PLAA: variants seen among roughly 807,000 people sequenced by gnomAD.
PLAA encodes the protein phospholipase A-2-activating protein.
Under a neutral mutation model 84.1 loss-of-function variants are expected in PLAA, and 48 were observed. The ratio of observed to expected loss-of-function variants is 0.57; its 90% CI spans 0.45 to 0.73. The LOEUF is 0.73. Among genes scored for constraint, PLAA ranks in the 30% least tolerant of loss-of-function variants. PLAA has a pLI of 0.00. For synonymous variants in PLAA, 392 were observed against 336.6 expected (o/e 1.16, Z -1.80); for missense variants, 903 against 954.7 (o/e 0.95, Z 0.71).
At position 26,910,499 on chromosome 9, in the gene PLAA, T is replaced by C. The variant is rs1485648003; in HGVS notation, c.1556-60A>G. ...GGAGTGATCAAAAATGAGATTTTTC[T>C]AACTATATGACTTAGTTTTCACAAT... On this transcript the variant is annotated intron_variant, in intron 11 of 13. Coordinates refer to ENST00000397292, the MANE Select transcript of PLAA (RefSeq NM_001031689.3). The C allele has an allele frequency of 2.3e-6, 3 of 1,292,554 alleles. No homozygotes were observed. In the African/African-American group the frequency reaches 4.4e-5, roughly 19 times the overall value. 80.1% of individuals were successfully genotyped at this position (1,292,554 alleles called of 1,614,324 possible). A position where few individuals can be genotyped will look rare whatever the true frequency, so the allele number is the denominator to read the frequency against.
intron 8 of PLAA, among the ~76,000 whole-genome samples, chr9:26,919,845 C>T (rs1379577722): frequency 6.6e-6 from 1 of 152,156 alleles, no homozygotes; most frequent in African/African-American, 2.4e-5. Context: ...TTACTGTGCC[C>T]TACTCACCAA....
Position 26,928,973 on chromosome 9 carries a change from G to A in PLAA, c.344-565C>T, listed in dbSNP as rs536994635. ...TGCACTTTGGGAGGCCAAGGCAGGCGGATTGCTTGAGCTCAGGAGTTAGAG... is the reference window on the plus strand; with the variant it reads ...TGCACTTTGGGAGGCCAAGGCAGGCAGATTGCTTGAGCTCAGGAGTTAGAG... On this transcript the variant is annotated intron_variant, in intron 2 of 13. Coordinates refer to ENST00000397292, the MANE Select transcript of PLAA (RefSeq NM_001031689.3). Among the ~76,000 whole-genome samples, 227 of 152,308 alleles carry A rather than the reference G, an allele frequency of 1.5e-3. 2 individuals are homozygous for A. The highest frequency in any genetic ancestry group is 4.3e-3 in the South Asian group (21 of 4,832).
chr9:26,925,813 G>A lies in PLAA; in HGVS notation c.869+12C>T. The stretch of plus-strand genomic sequence containing the variant: ...ACATATAACATTTAATGATTGACTA[G>A]AATATAAATACCTCGCACCAACCAC... On this transcript the variant is annotated intron_variant, in intron 6 of 13. Coordinates refer to ENST00000397292, the MANE Select transcript of PLAA (RefSeq NM_001031689.3). 6.2e-7 allele frequency: 1 copy of A among 1,612,378 alleles called. No homozygotes were observed. The highest frequency in any genetic ancestry group is 8.5e-7 in the Non-Finnish European group (1 of 1,178,738).
chr9:26,935,329 G>T, intron 1 of PLAA, 123 bp from the exon 2 acceptor site: 1 of 510,794 alleles, frequency 2.0e-6, no homozygotes, highest in African/African-American at 2.0e-5. Context: ...ACTATCTTAA[G>T]AATCTATTGT....
intron 1 of PLAA, among the ~76,000 whole-genome samples, chr9:26,946,689 C>CT (rs985954187): frequency 1.2e-4 from 18 of 152,224 alleles, no homozygotes. Flanking sequence ...CAAGGCAGGT[C>CT]TTTGGTCCCC....
At chr9:26,942,505 TA>T (rs746535833) in intron 1 of PLAA, among the ~76,000 whole-genome samples, 2 of 152,126 alleles carry the variant, frequency 1.3e-5, no homozygotes, top group Non-Finnish European at 2.9e-5. Flanking sequence ...AAAACCAAAA[TA>T]AAACAATTAT....
chr9:26,947,071 G>GC lies in PLAA; in HGVS notation c.-27dup, dbSNP rs1193103821. The GC allele has an allele frequency of 3.9e-6, 6 of 1,549,342 alleles. No homozygotes were observed. Among genetic ancestry groups the GC allele is most frequent in the Non-Finnish European group, 5.2e-6 (6 of 1,148,540 alleles). On this transcript the variant is annotated 5_prime_UTR_variant, in exon 1 of 14. Coordinates refer to ENST00000397292, the MANE Select transcript of PLAA (RefSeq NM_001031689.3). ...GGCCAGTGTCTGTCTGGCGCCCGGT[G>GC]CCCAGGCACTGTGCGAGACCAGTCC...
rs144711986 is a variant in PLAA, at chr9:26,919,272, A to C, written c.1417+38T>G. 2,401 of 1,294,034 alleles carry C rather than the reference A, an allele frequency of 1.9e-3. 29 individuals carry two copies. In the African/African-American group the frequency reaches 0.031, roughly 17 times the overall value. The allele number at this position is 1,294,034 out of a possible 1,614,324, so 80.2% of individuals were successfully genotyped here. On this transcript the variant is annotated intron_variant, in intron 9 of 13. Transcript: ENST00000397292. ...ACATCAAAAAAATCAATCAACACTA[A>C]TGGAACTACATAAGACTCAATATAA... is the stretch of plus-strand genomic sequence containing the variant.
chr9:26,907,591 CAAA>C (rs879174540), intron 13 of PLAA: 1 of 413,020 alleles, frequency 2.4e-6, no homozygotes, highest in African/African-American at 2.1e-5. Context: ...ACAACAACAA[CAAA>C]AAAACAAACT....
intron 7 of PLAA, 104 bp from the exon 8 acceptor site, chr9:26,920,488 T>C: frequency 1.6e-6 from 1 of 641,762 alleles, no homozygotes; most frequent in Non-Finnish European, 2.5e-6. Flanking sequence ...TAAGAGAATA[T>C]GGATTTTGTT....
intron 12 of PLAA, among the ~76,000 whole-genome samples, chr9:26,909,770 CCCA>C (rs1445568766): frequency 2.6e-5 from 4 of 151,880 alleles, no homozygotes; most frequent in Non-Finnish European, 2.9e-5. Context: ...ATTACAGGCG[CCCA>C]CCACCACGCC....
intron 2 of PLAA, among the ~76,000 whole-genome samples, chr9:26,929,623 G>C (rs148573432): frequency 1.6e-4 from 25 of 152,272 alleles, no homozygotes; most frequent in African/African-American, 5.1e-4. Context: ...CCTGAGCTGA[G>C]GATCCTTGAG....
chr9:26,930,493 T>C (rs1022063901), intron 2 of PLAA, among the ~76,000 whole-genome samples: 3 of 152,088 alleles, frequency 2.0e-5, no homozygotes, highest in Admixed American at 2.0e-4. Flanking sequence ...CCTGGGTCCC[T>C]GAGAAAATCT....
At position 26,919,468 on chromosome 9, in the gene PLAA, T is replaced by C. The variant is rs1164031152; in HGVS notation, c.1259A>G (p.Tyr420Cys). The change falls in exon 9 of 14, where the codon TAT becomes TGT. Residue 420 changes from tyrosine (Y) to cysteine (C), a missense_variant. Transcript: ENST00000397292. Reference protein sequence around the residue: ...NEGGPSYKLPYNTSDDPWLTA... With the variant: ...NEGGPSYKLPCNTSDDPWLTA... ...TAACCAAGGGTCATCACTGGTATTA[T>C]ATGGCAATTTATATGATGGTCCACC... 1 of 1,611,326 alleles carries C rather than the reference T, an allele frequency of 6.2e-7. No homozygotes were observed.
rs10967596 is a variant in PLAA, at chr9:26,911,826, T to C, written c.1556-1387A>G. Among the ~76,000 whole-genome samples, 1,380 of 152,286 alleles carry C rather than the reference T, an allele frequency of 9.1e-3. 16 individuals are homozygous for C. The highest frequency in any genetic ancestry group is 0.031 in the African/African-American group (1,287 of 41,554). ...TTAAGATATTGTGCAAAAATATGAATAAAAGATTTATCTTAATATTCTGAT... is the reference window on the plus strand; with the variant it reads ...TTAAGATATTGTGCAAAAATATGAACAAAAGATTTATCTTAATATTCTGAT... On this transcript the variant is annotated intron_variant, in intron 11 of 13. Coordinates refer to ENST00000397292, the MANE Select transcript of PLAA (RefSeq NM_001031689.3).
At chr9:26,914,031 A>AT in intron 10 of PLAA, 84 bp from the exon 11 acceptor site, 1 of 938,730 alleles carries the variant, frequency 1.1e-6, no homozygotes, top group Non-Finnish European at 1.7e-6. Context: ...TTCCAGTATT[A>AT]AGCACACTTC....
intron 12 of PLAA, among the ~76,000 whole-genome samples, chr9:26,909,569 G>A (rs1361859584): frequency 1.3e-5 from 2 of 150,948 alleles, no homozygotes; most frequent in Non-Finnish European, 2.9e-5. Context: ...TTTGTTTTGA[G>A]GAACACAAAC....
chr9:26,912,369 T>C (rs1824426330), intron 11 of PLAA, among the ~76,000 whole-genome samples: 1 of 152,080 alleles, frequency 6.6e-6, no homozygotes, highest in Admixed American at 6.5e-5. Context: ...CAATGAGGAA[T>C]GTGGGGCAAG....
chr9:26,916,962 G>A, intron 10 of PLAA, 135 bp downstream of exon 10: 1 of 758,360 alleles, frequency 1.3e-6, no homozygotes, highest in Non-Finnish European at 2.1e-6. Flanking sequence ...TAAAGAAAAG[G>A]AAATCCATCA....
Sources: allele counts gnomAD v4.1 joint callset (sites outside exome capture counted in the v4.1 genomes callset), GRCh38; gene constraint gnomAD v4.1.1; transcripts MANE v1.5; gene names NCBI Gene and HGNC (gene_info 2026-07-23, HGNC 2026-07-21).